The following TERF2IP variants were observed in gnomAD, a reference collection of about 807,000 sequenced individuals.
TERF2IP encodes the protein TERF2 interacting protein.
In TERF2IP, 35 loss-of-function variants were observed where a neutral mutation model predicts 33.3. The observed-to-expected ratio is 1.05, with a 90% confidence interval of 0.80 to 1.39. TERF2IP has a LOEUF of 1.39. TERF2IP is among the 40% of genes most tolerant of loss of function. The pLI is 0.00. For synonymous variants in TERF2IP, 253 were observed against 223.2 expected (o/e 1.13, Z -1.19); for missense variants, 583 against 524.8 (o/e 1.11, Z -1.08).
intron 2 of TERF2IP, 142 bp downstream of exon 2, chr16:75,654,539 G>A: frequency 1.1e-6 from 1 of 910,056 alleles, no homozygotes; most frequent in Non-Finnish European, 1.6e-6. Flanking sequence ...AATGGAAAAT[G>A]GGACTGATCT....
At chr16:75,650,643 C>T (rs905695232) in intron 1 of TERF2IP, among the ~76,000 whole-genome samples, 1 of 152,138 alleles carries the variant, frequency 6.6e-6, no homozygotes, top group African/African-American at 2.4e-5. Context: ...TCAGTGGATC[C>T]TCCCACCTCA....
chr16:75,651,233 G>A (rs927244727), intron 1 of TERF2IP, among the ~76,000 whole-genome samples: 20 of 152,024 alleles, frequency 1.3e-4, no homozygotes, highest in African/African-American at 4.6e-4. Flanking sequence ...AATAGACTTA[G>A]TTTCTTTAAT....
chr16:75,648,181 G>C lies in TERF2IP; in HGVS notation c.299G>C (p.Arg100Pro). 6.4e-7 allele frequency: 1 copy of C among 1,559,752 alleles called. No homozygotes were observed. The highest frequency in any genetic ancestry group is 2.3e-5 in the East Asian group (1 of 43,090). The change falls in exon 1 of 3, where the codon CGG becomes CCG. Residue 100 changes from arginine (R) to proline (P), a missense_variant. Arg to Pro is a moderately radical substitution (Grantham distance 103, BLOSUM62 -2). Coordinates refer to ENST00000300086, the MANE Select transcript of TERF2IP (RefSeq NM_018975.4). ...GAGAGGCTGGAGCTGGAGGCCTATC[G>C]GCTGGGCCCCGCCTCGGCGGCGGAC... ...RNERLELEAY[R>P]LGPASAADTG...
chr16:75,653,126 T>C (rs1597187742), intron 1 of TERF2IP, among the ~76,000 whole-genome samples: 1 of 152,242 alleles, frequency 6.6e-6, no homozygotes, highest in East Asian at 1.9e-4. Flanking sequence ...AATATTCCAT[T>C]GTATGTATAT....
chr16:75,650,170 A>G (rs1396405711), intron 1 of TERF2IP, among the ~76,000 whole-genome samples: 1 of 152,220 alleles, frequency 6.6e-6, no homozygotes, highest in Non-Finnish European at 1.5e-5. Context: ...AGCTTATAAC[A>G]TGCTAGCTGG....
rs1287367818 is a variant in TERF2IP, at chr16:75,656,735, G to A, written c.*124G>A. On this transcript the variant is annotated 3_prime_UTR_variant, in exon 3 of 3. Coordinates refer to ENST00000300086, the MANE Select transcript of TERF2IP (RefSeq NM_018975.4). ...CACTTATTTTCTGACCATCGCTGCT[G>A]TTGCTCTGTGAGTCCTAGATTTTTG... 1.1e-5 allele frequency: 10 copies of A among 907,680 alleles called. No individual in the cohort carries two copies. Among genetic ancestry groups the A allele is most frequent in the Non-Finnish European group, 1.3e-5 (8 of 605,830 alleles). The allele number at this position is 907,680 out of a possible 1,614,324, so 56.2% of individuals were successfully genotyped here.
At chr16:75,649,708 G>A (rs755875570) in intron 1 of TERF2IP, among the ~76,000 whole-genome samples, 1 of 152,104 alleles carries the variant, frequency 6.6e-6, no homozygotes, top group Non-Finnish European at 1.5e-5. Context: ...TTACTTTAAT[G>A]CTCTGGCGTA....
intron 1 of TERF2IP, among the ~76,000 whole-genome samples, chr16:75,652,459 A>C (rs1392041638): frequency 6.6e-6 from 1 of 152,196 alleles, no homozygotes. Flanking sequence ...TATACTGCAT[A>C]TACCCATCAC....
At position 75,656,790 on chromosome 16, in the gene TERF2IP, A is replaced by G. The variant is rs867192703; in HGVS notation, c.*179A>G. The G allele has an allele frequency of 1.3e-5, 8 of 604,982 alleles. No individual in the cohort carries two copies. Among genetic ancestry groups the G allele is most frequent in the Non-Finnish European group, 2.3e-5 (8 of 347,256 alleles). The allele number at this position is 604,982 out of a possible 1,614,324, so 37.5% of individuals were successfully genotyped here. A position where few individuals can be genotyped will look rare whatever the true frequency, so the allele number is the denominator to read the frequency against. ...CAAGCAGAGTTGTAGAGGGGGATAA[A>G]AAGAAAAGAAATTGGATGTATTTAC... On this transcript the variant is annotated 3_prime_UTR_variant, in exon 3 of 3. Coordinates refer to ENST00000300086, the MANE Select transcript of TERF2IP (RefSeq NM_018975.4).
chr16:75,654,444 T>C lies in TERF2IP; in HGVS notation c.795+47T>C, dbSNP rs758045516. On this transcript the variant is annotated intron_variant, in intron 2 of 2. Coordinates refer to ENST00000300086, the MANE Select transcript of TERF2IP (RefSeq NM_018975.4). ...ATTATTTTTTTCCCTACCTTCATTC[T>C]TCTTTGAAACTGGTTATCCTGTACA... 7.0e-5 allele frequency: 112 copies of C among 1,591,294 alleles called. No homozygotes were observed. In the East Asian group the frequency reaches 2.4e-3, roughly 34 times the overall value.
At chr16:75,648,591 C>T (rs913485402) in intron 1 of TERF2IP, 39 bp downstream of exon 1, 2 of 1,491,056 alleles carry the variant, frequency 1.3e-6, no homozygotes, top group Non-Finnish European at 1.8e-6. Context: ...GATATCTGCG[C>T]GGGTGGGGTT....
intron 1 of TERF2IP, among the ~76,000 whole-genome samples, chr16:75,651,721 T>C (rs1187361246): frequency 1.3e-5 from 2 of 151,918 alleles, no homozygotes; most frequent in Non-Finnish European, 2.9e-5. Flanking sequence ...AGAAAGTAAA[T>C]CAGACCCTGA....
chr16:75,656,443 G>T lies in TERF2IP; in HGVS notation c.1032G>T (p.Glu344Asp). ...TCCTAAAAAATAGTGGTGAGCTGGA[G>T]GCTACTTCCGCCTTCTTAGCGTCTG... ...QAFLKNSGELEATSAFLASGQ... is the reference protein window; with the variant it reads ...QAFLKNSGELDATSAFLASGQ... Residue 344 changes from glutamate to aspartate, a missense_variant, in exon 3 of 3, where the codon GAG (glutamate) becomes GAT (aspartate). Glu to Asp is a conservative substitution (Grantham distance 45, BLOSUM62 2). Coordinates refer to ENST00000300086, the MANE Select transcript of TERF2IP (RefSeq NM_018975.4). 6.2e-7 allele frequency: 1 copy of T among 1,614,196 alleles called. No individual in the cohort carries two copies. Among genetic ancestry groups the T allele is most frequent in the Non-Finnish European group, 8.5e-7 (1 of 1,180,044 alleles).
chr16:75,654,288 G>GAACTTATTCAGGCAA lies in TERF2IP; in HGVS notation c.690_691insTATTCAGGCAAAACT (p.Thr230_Pro231insTyrSerGlyLysThr). 2 of 1,612,890 alleles carry GAACTTATTCAGGCAA rather than the reference G, an allele frequency of 1.2e-6. No homozygotes were observed. ...TCTTTAACAGAACCACAGAATAAGA[G>GAACTTATTCAGGCAA]AACTCCAGATTTGCCTGAAGAAGAG... On this transcript the variant is annotated inframe_insertion, in exon 2 of 3. Transcript: ENST00000300086.
chr16:75,656,196 A>AT lies in TERF2IP; in HGVS notation c.796-9dup. 1 of 1,577,652 alleles carries AT rather than the reference A, an allele frequency of 6.3e-7. No homozygotes were observed. The highest frequency in any genetic ancestry group is 1.2e-5 in the South Asian group (1 of 85,412). On this transcript the variant is annotated splice_polypyrimidine_tract_variant and intron_variant, in intron 2 of 2. Coordinates refer to ENST00000300086, the MANE Select transcript of TERF2IP (RefSeq NM_018975.4). ...TGATTAGGAGCTGGTTTTACTCATC[A>AT]TTCTGTCTAGGTGGATGAGAGCCCT...
In TERF2IP at chr16:75,648,507, C is replaced by G. The variant is rs1384456217; in HGVS notation, c.625C>G (p.Leu209Val). 5 of 1,582,698 alleles carry G rather than the reference C, an allele frequency of 3.2e-6. No individual in the cohort carries two copies. Among genetic ancestry groups the G allele is most frequent in the South Asian group, 2.3e-5 (2 of 87,236 alleles). Residue 209 changes from leucine (L) to valine (V), a missense_variant, in exon 1 of 3, where the codon CTC becomes GTC. Physicochemically the swap from Leu to Val is conservative, Grantham distance 32. Transcript: ENST00000300086. ...GCCGGTGAGCCCCTCCTCCCAGAAG[C>G]TCAAGCGGAAGGCGGAGGAGGACCC... The part of the protein sequence containing the change: ...DAPVSPSSQK[L>V]KRKAEEDPEA...
At position 75,656,691 on chromosome 16, in the gene TERF2IP, G is replaced by C; in HGVS notation, c.*80G>C. 7.4e-7 allele frequency: 1 copy of C among 1,355,614 alleles called. No homozygotes were observed. Among genetic ancestry groups the C allele is most frequent in the East Asian group, 2.3e-5 (1 of 43,010 alleles). 84.0% of individuals were successfully genotyped at this position (1,355,614 alleles called of 1,614,324 possible). A position where few individuals can be genotyped will look rare whatever the true frequency, so the allele number is the denominator to read the frequency against. The stretch of plus-strand genomic sequence containing the variant: ...AATTGTGACCAATGAACTTTAGAGA[G>C]TTCTTGCATTGGAACTGGCACTTAT... On this transcript the variant is annotated 3_prime_UTR_variant, in exon 3 of 3. Coordinates refer to ENST00000300086, the MANE Select transcript of TERF2IP (RefSeq NM_018975.4).
In TERF2IP at chr16:75,657,268, C is replaced by T. The variant is rs957668474; in HGVS notation, c.*657C>T. The T allele has an allele frequency of 2.6e-5, 4 of 152,212 alleles. No homozygotes were observed. Among genetic ancestry groups the T allele is most frequent in the Admixed American group, 6.5e-5 (1 of 15,270 alleles). The allele number at this position is 152,212 out of a possible 1,614,324, so 9.4% of individuals were successfully genotyped here. A position where few individuals can be genotyped will look rare whatever the true frequency, so the allele number is the denominator to read the frequency against. On this transcript the variant is annotated 3_prime_UTR_variant, in exon 3 of 3. Transcript: ENST00000300086. Reference sequence around the variant, plus strand: ...CTACCCCTCAGTTTTCCTTAAAACGCGCACACAACTCTAGAGAGTGTTAAG... The same window carrying T: ...CTACCCCTCAGTTTTCCTTAAAACGTGCACACAACTCTAGAGAGTGTTAAG...
chr16:75,655,892 T>C (rs1012098611), intron 2 of TERF2IP, among the ~76,000 whole-genome samples: 2 of 152,182 alleles, frequency 1.3e-5, no homozygotes, highest in Non-Finnish European at 2.9e-5. Flanking sequence ...TATACATATA[T>C]TTTTCATATT....
Sources: gnomAD v4.1 joint callset for allele counts (sites outside exome capture counted in the v4.1 genomes callset) on GRCh38, gnomAD v4.1.1 for gene constraint, MANE v1.5 for transcripts, NCBI Gene and HGNC (gene_info 2026-07-23, HGNC 2026-07-21) for gene names.